Variants in EEFSEC observed in about 807,000 individuals in gnomAD.
EEFSEC encodes the protein selenocysteine-specific elongation factor.
A neutral mutation model predicts 42.1 loss-of-function variants in EEFSEC; 43 were observed. That is an observed-to-expected ratio of 1.02 (90% CI 0.80 to 1.32). The LOEUF (loss-of-function observed/expected upper bound fraction) is 1.32, where lower values mean the gene tolerates loss of function less well. EEFSEC is among the 40% of genes most tolerant of loss of function. The pLI is 0.00. For missense variants in EEFSEC, 745 were observed against 803.6 expected, an observed-to-expected ratio of 0.93 and a Z score of 0.88; for synonymous variants, 354 against 339.1, an observed-to-expected ratio of 1.04 and a Z score of -0.48.
intron 2 of EEFSEC, among the ~76,000 whole-genome samples, chr3:128,249,115 C>T (rs1576579479): frequency 6.6e-6 from 1 of 152,140 alleles, no homozygotes; most frequent in Admixed American, 6.5e-5. Flanking sequence ...TTAAGTAAAC[C>T]CTTCATAAAT....
chr3:128,153,954 C>T, intron 1 of EEFSEC, 131 bp downstream of exon 1: 1 of 1,316,162 alleles, frequency 7.6e-7, no homozygotes, highest in Non-Finnish European at 9.9e-7. Flanking sequence ...TCCTGACGCC[C>T]CAAGAGGCGG....
At chr3:128,374,254 T>C (rs145197166) in intron 6 of EEFSEC, among the ~76,000 whole-genome samples, 1 of 152,342 alleles carries the variant, frequency 6.6e-6, no homozygotes, top group Non-Finnish European at 1.5e-5. Context: ...ACTGCTGCTT[T>C]CCTTGGGGCT....
At chr3:128,386,061 T>C (rs1226991198) in intron 6 of EEFSEC, among the ~76,000 whole-genome samples, 5 of 152,254 alleles carry the variant, frequency 3.3e-5, no homozygotes, top group African/African-American at 4.8e-5. Flanking sequence ...TTTCCACTTA[T>C]GGCAGCATAG....
At chr3:128,253,644 C>T (rs902912966) in intron 2 of EEFSEC, among the ~76,000 whole-genome samples, 5 of 151,632 alleles carry the variant, frequency 3.3e-5, no homozygotes, top group Non-Finnish European at 5.9e-5. Flanking sequence ...TTCCTCTTTC[C>T]TTCCCTCTCC....
At chr3:128,351,167 G>A (rs1236580951) in intron 5 of EEFSEC, among the ~76,000 whole-genome samples, 1 of 152,118 alleles carries the variant, frequency 6.6e-6, no homozygotes, top group African/African-American at 2.4e-5. Context: ...CATGTGGTTG[G>A]TGTTGAGTAC....
At chr3:128,398,312 A>G (rs1341634980) in intron 6 of EEFSEC, among the ~76,000 whole-genome samples, 3 of 151,988 alleles carry the variant, frequency 2.0e-5, no homozygotes, top group African/African-American at 7.3e-5. Flanking sequence ...CAAGATAGAC[A>G]AGTGTCATGG....
intron 5 of EEFSEC, among the ~76,000 whole-genome samples, chr3:128,352,411 GC>G (rs2067398869): frequency 6.6e-6 from 1 of 152,218 alleles, no homozygotes; most frequent in East Asian, 1.9e-4. Flanking sequence ...GCTCAGACCA[GC>G]TCCTGCCTTC....
chr3:128,409,366 G>A (rs927972797), downstream of EEFSEC, among the ~76,000 whole-genome samples: 2 of 151,792 alleles, frequency 1.3e-5, no homozygotes, highest in Non-Finnish European at 2.9e-5. Context: ...AGAGCCGTGT[G>A]TGTGTGTGTG....
chr3:128,331,514 C>A (rs1355900544), intron 4 of EEFSEC, among the ~76,000 whole-genome samples: 1 of 150,724 alleles, frequency 6.6e-6, no homozygotes, highest in Non-Finnish European at 1.5e-5. Context: ...CTCCCCTCTT[C>A]CCTCTCCTTC....
rs1469138618 is a variant in EEFSEC, at chr3:128,408,609, G to A, written c.*350G>A. 7 of 227,018 alleles carry A rather than the reference G, an allele frequency of 3.1e-5. No individual in the cohort carries two copies. The East Asian group carries it at 6.1e-4, about 20-fold the overall frequency. 14.1% of individuals were successfully genotyped at this position (227,018 alleles called of 1,614,324 possible). A position where few individuals can be genotyped will look rare whatever the true frequency, so the allele number is the denominator to read the frequency against. ...TCCCCCAGGTGGGCAGGCACTTGAT[G>A]GCTACAAATAAATGTCCCGTGGCCC... is the stretch of plus-strand genomic sequence containing the variant. On this transcript the variant is annotated 3_prime_UTR_variant, in exon 7 of 7. Transcript: ENST00000254730.
At chr3:128,407,636 C>A (rs564696004) in intron 6 of EEFSEC, among the ~76,000 whole-genome samples, 1 of 152,330 alleles carries the variant, frequency 6.6e-6, no homozygotes, top group African/African-American at 2.4e-5. Context: ...GGGGCTTCCA[C>A]TGCTAAACCT....
At chr3:128,337,090 T>C (rs1487230433) in intron 4 of EEFSEC, 1 of 152,216 alleles carries the variant, frequency 6.6e-6, no homozygotes, top group Admixed American at 6.5e-5. Flanking sequence ...TTCTCATTCT[T>C]AGGTTGGTAA....
chr3:128,267,272 T>G (rs1451876771), intron 4 of EEFSEC, among the ~76,000 whole-genome samples: 1 of 152,186 alleles, frequency 6.6e-6, no homozygotes, highest in Non-Finnish European at 1.5e-5. Context: ...GCCACCCTCT[T>G]TGTCCTTATA....
intron 2 of EEFSEC, among the ~76,000 whole-genome samples, chr3:128,258,194 G>A (rs2066262075): frequency 6.6e-6 from 1 of 152,180 alleles, no homozygotes; most frequent in South Asian, 2.1e-4. Flanking sequence ...TTGATGTTTT[G>A]TCATCCCCTC....
intron 2 of EEFSEC, among the ~76,000 whole-genome samples, chr3:128,258,368 C>G (rs909610308): frequency 6.6e-6 from 1 of 152,176 alleles, no homozygotes; most frequent in Non-Finnish European, 1.5e-5. Context: ...GCTTTTGGGA[C>G]CAGAGTGCTG....
At chr3:128,350,946 C>T (rs1485891224) in intron 5 of EEFSEC, among the ~76,000 whole-genome samples, 1 of 152,182 alleles carries the variant, frequency 6.6e-6, no homozygotes, top group African/African-American at 2.4e-5. Context: ...CATCCTAGGT[C>T]CCCTTCCAGA....
intron 4 of EEFSEC, among the ~76,000 whole-genome samples, chr3:128,293,976 G>C (rs188672944): frequency 9.2e-5 from 14 of 152,244 alleles, no homozygotes; most frequent in African/African-American, 3.4e-4. Context: ...CACAAAGGTG[G>C]CTGCTTCTCC....
intron 6 of EEFSEC, among the ~76,000 whole-genome samples, chr3:128,406,386 C>T (rs1398361375): frequency 6.6e-6 from 1 of 152,118 alleles, no homozygotes; most frequent in Non-Finnish European, 1.5e-5. Context: ...ATGGGGAGAT[C>T]TTGGTCAAAG....
intron 5 of EEFSEC, among the ~76,000 whole-genome samples, chr3:128,352,426 G>A (rs1178100764): frequency 6.6e-6 from 1 of 152,194 alleles, no homozygotes; most frequent in Non-Finnish European, 1.5e-5. Flanking sequence ...TGCCTTCCAG[G>A]ACTGCCTTCC....
Sources: gnomAD v4.1 joint callset for allele counts (sites outside exome capture counted in the v4.1 genomes callset) on GRCh38, gnomAD v4.1.1 for gene constraint, MANE v1.5 for transcripts, NCBI Gene and HGNC (gene_info 2026-07-23, HGNC 2026-07-21) for gene names.